Variants in RAB37 observed in about 807,000 individuals in gnomAD.
The protein encoded by RAB37 is ras-related protein Rab-37.
In RAB37, 29 loss-of-function variants were observed where a neutral mutation model predicts 33.1. The ratio of observed to expected loss-of-function variants is 0.88; its 90% confidence interval spans 0.65 to 1.20. RAB37 has a LOEUF of 1.20. Ranked by LOEUF, RAB37 falls within the 50% of genes most tolerant of loss-of-function variation. The probability of loss-of-function intolerance (pLI) is 0.00; values close to 1 mark genes in which losing one functional copy is unlikely to be tolerated. For synonymous variants in RAB37, 128 were observed against 119.5 expected, an observed-to-expected ratio of 1.07 and a Z score of -0.47; for missense variants, 299 against 301.1, an observed-to-expected ratio of 0.99 and a Z score of 0.05.
intron 2 of RAB37, among the ~76,000 whole-genome samples, chr17:74,732,185 AG>A (rs914322437): frequency 6.6e-6 from 1 of 152,202 alleles, no homozygotes; most frequent in Non-Finnish European, 1.5e-5. Context: ...AAAAGCCTCC[AG>A]GGGGAAGCTC....
At chr17:74,704,779 T>G (rs1351952747) in intron 1 of RAB37, 1 of 1,613,960 alleles carries the variant, frequency 6.2e-7, no homozygotes, top group African/African-American at 1.3e-5. Context: ...AGCCATTCAC[T>G]GTTGTTGGAC....
upstream of RAB37, chr17:74,736,850 C>T (rs937444124): frequency 5.2e-6 from 8 of 1,525,644 alleles, no homozygotes; most frequent in African/African-American, 6.9e-5. Context: ...CCCAGCTCCC[C>T]GCCTCGCCAC....
chr17:74,704,860 G>T (rs1300231039), intron 1 of RAB37: 1 of 1,476,670 alleles, frequency 6.8e-7, no homozygotes, highest in Admixed American at 1.8e-5. Context: ...CACCCCAAGG[G>T]CAGGGCCACA....
chr17:74,680,582 C>T (rs918350331), intron 1 of RAB37, among the ~76,000 whole-genome samples: 19 of 152,278 alleles, frequency 1.2e-4, no homozygotes, highest in African/African-American at 3.9e-4. Context: ...CCTCAATCTA[C>T]GACCCCACTG....
At chr17:74,706,024 A>C (rs982638096) in intron 1 of RAB37, among the ~76,000 whole-genome samples, 4 of 152,216 alleles carry the variant, frequency 2.6e-5, no homozygotes, top group African/African-American at 7.2e-5. Context: ...GTTCTCACTT[A>C]TAAGTGGGAG....
upstream of RAB37, among the ~76,000 whole-genome samples, chr17:74,734,658 A>G (rs534536575): frequency 2.6e-5 from 4 of 152,244 alleles, no homozygotes; most frequent in East Asian, 1.9e-4. Flanking sequence ...AGCCTGGCCA[A>G]CATGGTGAAA....
At chr17:74,712,117 A>G (rs1208422541) in intron 1 of RAB37, among the ~76,000 whole-genome samples, 1 of 151,270 alleles carries the variant, frequency 6.6e-6, no homozygotes, top group Non-Finnish European at 1.5e-5. Flanking sequence ...TCCACATGTT[A>G]CCCAAGCTGG....
At chr17:74,696,921 T>G (rs1456581772) in intron 1 of RAB37, among the ~76,000 whole-genome samples, 1 of 151,312 alleles carries the variant, frequency 6.6e-6, no homozygotes, top group Non-Finnish European at 1.5e-5. Context: ...TTGGTTTGGT[T>G]TGGTTTGGTT....
chr17:74,718,321 T>C (rs1433554777), intron 1 of RAB37, among the ~76,000 whole-genome samples: 2 of 30,536 alleles, frequency 6.5e-5, no homozygotes, highest in Admixed American at 8.9e-4. Context: ...TCATACATCA[T>C]ATCATATCAT....
intron 1 of RAB37, among the ~76,000 whole-genome samples, chr17:74,683,356 G>A (rs898910988): frequency 6.6e-6 from 1 of 152,188 alleles, no homozygotes; most frequent in Non-Finnish European, 1.5e-5. Context: ...ACAGGAATGA[G>A]GGGAAGCTCT....
Position 74,746,918 on chromosome 17 carries a change from C to T in RAB37, c.*1507C>T, listed in dbSNP as rs1250141411. On this transcript the variant is annotated 3_prime_UTR_variant, in exon 9 of 9. Coordinates refer to ENST00000392613, the MANE Select transcript of RAB37 (RefSeq NM_001006638.3). The surrounding 1 kb of genome is among the most constrained non-coding windows in gnomAD (Gnocchi z 5.2). ...GTAAAACAAAGTCATGTGGGTATGT[C>T]TGGGGTAGAGAGAGGGGTAGCAAGT... The T allele has an allele frequency of 6.6e-6, 1 of 152,160 alleles. No individual in the cohort carries two copies. The highest frequency in any genetic ancestry group is 2.4e-5 in the African/African-American group (1 of 41,392). The allele number at this position is 152,160 out of a possible 1,614,324, so 9.4% of individuals were successfully genotyped here. A position where few individuals can be genotyped will look rare whatever the true frequency, so the allele number is the denominator to read the frequency against.
rs1239462446 is a variant in RAB37 at position 74,671,197 on chromosome 17, G to A, written c.-390G>A. ...GGGACCGCAATGCCCTGAGAACGCA[G>A]CCGGGTGCTGAGCCTCCGGAGTCCG... On this transcript the variant is annotated 5_prime_UTR_variant, in exon 1 of 8. Coordinates refer to the RAB37 transcript ENST00000340415. This position sits in a 1 kb window ranked among gnomAD's most constrained non-coding sequence, Gnocchi z 5.0. 9.6e-6 allele frequency: 2 copies of A among 208,666 alleles called. No homozygotes were observed. Among genetic ancestry groups the A allele is most frequent in the Non-Finnish European group, 2.0e-5 (2 of 101,184 alleles). 12.9% of individuals were successfully genotyped at this position (208,666 alleles called of 1,614,324 possible).
In RAB37 at chr17:74,742,233, C is replaced by T; in HGVS notation, c.205-21C>T. On this transcript the variant is annotated intron_variant, in intron 2 of 8. Coordinates refer to ENST00000392613, the MANE Select transcript of RAB37 (RefSeq NM_001006638.3). This position sits in a 1 kb window ranked among gnomAD's most constrained non-coding sequence, Gnocchi z 4.0. ...GCCACATGACTCCTGCCCTCCCATC[C>T]TCTGCCTTTTTCTCTTTCAGAACAA... 6.2e-7 allele frequency: 1 copy of T among 1,612,320 alleles called. No individual in the cohort carries two copies. Among genetic ancestry groups the T allele is most frequent in the African/African-American group, 1.3e-5 (1 of 74,996 alleles).
intron 1 of RAB37, among the ~76,000 whole-genome samples, chr17:74,707,873 T>C (rs1235690653): frequency 1.3e-5 from 2 of 151,484 alleles, no homozygotes; most frequent in Non-Finnish European, 2.9e-5. Flanking sequence ...ATAAACAAAT[T>C]CCTAGAAAAA....
At chr17:74,740,191 C>G (rs1209138367) in intron 1 of RAB37, among the ~76,000 whole-genome samples, 1 of 151,336 alleles carries the variant, frequency 6.6e-6, no homozygotes, top group Non-Finnish European at 1.5e-5. Context: ...AAAGAAACTT[C>G]CAAATAAATG....
chr17:74,720,779 C>T (rs977714552), intron 1 of RAB37, among the ~76,000 whole-genome samples: 8 of 152,056 alleles, frequency 5.3e-5, no homozygotes, highest in Admixed American at 5.2e-4. Flanking sequence ...ACACCCTGCT[C>T]TCTTGGTACC....
chr17:74,695,909 C>A (rs1411937685), intron 1 of RAB37: 1 of 1,584,644 alleles, frequency 6.3e-7, no homozygotes, highest in Non-Finnish European at 8.6e-7. Flanking sequence ...TCTGTGGACA[C>A]AGGTTCCTTT....
Position 74,671,337 on chromosome 17 carries a change from TC to T in RAB37, c.-247del. 5.7e-6 allele frequency: 3 copies of T among 530,542 alleles called. No individual in the cohort carries two copies. The highest frequency in any genetic ancestry group is 1.9e-5 in the African/African-American group (1 of 52,764). The allele number at this position is 530,542 out of a possible 1,614,324, so 32.9% of individuals were successfully genotyped here. On this transcript the variant is annotated 5_prime_UTR_variant, in exon 1 of 8. Coordinates refer to the RAB37 transcript ENST00000340415. The surrounding 1 kb of genome is among the most constrained non-coding windows in gnomAD (Gnocchi z 5.0). The stretch of plus-strand genomic sequence containing the variant: ...AGCGGACAGGATCTCAGAACTCTGG[TC>T]CCGGGCGCACAACGGCGGAGTCGCT...
intron 1 of RAB37, among the ~76,000 whole-genome samples, chr17:74,740,273 C>T (rs1598325194): frequency 6.6e-6 from 1 of 152,050 alleles, no homozygotes; most frequent in East Asian, 1.9e-4. Flanking sequence ...CCACCCCCAG[C>T]AGATTCTGAT....
Sources: gnomAD v4.1 joint callset for allele counts (sites outside exome capture counted in the v4.1 genomes callset) on GRCh38, gnomAD v4.1.1 for gene constraint, Gnocchi (gnomAD v3.1) non-coding constraint, MANE v1.5 for transcripts, NCBI Gene and HGNC (gene_info 2026-07-23, HGNC 2026-07-21) for gene names.